The following PGM1 variants were observed in gnomAD, a reference collection of about 807,000 sequenced individuals.
The protein encoded by PGM1 is phosphoglucomutase-1.
A neutral mutation model predicts 55.6 loss-of-function variants in PGM1; 52 were observed. That is an observed-to-expected ratio of 0.94 (90% CI 0.75 to 1.18). The LOEUF (loss-of-function observed/expected upper bound fraction) is 1.18, where lower values mean the gene tolerates loss of function less well. Among genes scored for constraint, PGM1 ranks in the 50% most tolerant of loss-of-function variants. PGM1 has a pLI of 0.00. For synonymous variants in PGM1, 287 were observed against 271.7 expected (o/e 1.06, Z -0.55); for missense variants, 724 against 729.3 (o/e 0.99, Z 0.08).
intron 1 of PGM1, among the ~76,000 whole-genome samples, chr1:63,623,988 C>T (rs191038648): frequency 6.6e-6 from 1 of 152,328 alleles, no homozygotes; most frequent in East Asian, 1.9e-4. Flanking sequence ...AGGTATTATG[C>T]TGTGTTCTGT....
rs144480194 is a variant in PGM1 at position 63,643,738 on chromosome 1, G to A, written c.1145-4779G>A. ...GACTTTGGGCCAACCCCTGTTTGGG[G>A]AGTACAACTCATAGTCTAGGATACG... is the stretch of plus-strand genomic sequence containing the variant. On this transcript the variant is annotated intron_variant, in intron 7 of 10. Coordinates refer to ENST00000371084, the MANE Select transcript of PGM1 (RefSeq NM_002633.3). 5.3e-4 allele frequency among the ~76,000 whole-genome samples: 81 copies of A among 152,338 alleles called. No individual in the cohort carries two copies. The East Asian group carries it at 0.016, about 29-fold the overall frequency.
intron 7 of PGM1, among the ~76,000 whole-genome samples, chr1:63,641,370 G>T (rs76740766): frequency 0.011 from 1,669 of 152,222 alleles, 16 homozygotes; most frequent in South Asian, 0.032. Flanking sequence ...GCCATAGATC[G>T]CTGTTGTGAA....
At chr1:63,601,369 A>G (rs538231233) in intron 1 of PGM1, among the ~76,000 whole-genome samples, 5 of 152,350 alleles carry the variant, frequency 3.3e-5, no homozygotes, top group African/African-American at 1.2e-4. Context: ...AATAATTTTT[A>G]TGTCACAGTG....
chr1:63,633,902 GTGTGTGTGTGTGTGTGTATATATA>G lies in PGM1; in HGVS notation c.683-925_683-902del, dbSNP rs1450340468. Among the ~76,000 whole-genome samples, 38 of 39,006 alleles carry G rather than the reference GTGTGTGTGTGTGTGTGTATATATA, an allele frequency of 9.7e-4. 1 individual carries two copies. The highest frequency in any genetic ancestry group is 5.5e-3 in the African/African-American group (37 of 6,770). 25.6% of individuals were successfully genotyped at this position (39,006 alleles called of 152,430 possible). ...TGTGTGTGTGTGTGTGTGTGTGTGTGTGTGTGTGTGTGTGTGTATATATATATATATTTTTTTTTTTTTTTTTTT... is the reference window on the plus strand; with the variant it reads ...TGTGTGTGTGTGTGTGTGTGTGTGTGTATATATTTTTTTTTTTTTTTTTTT... On this transcript the variant is annotated intron_variant, in intron 4 of 10. Coordinates refer to ENST00000371084, the MANE Select transcript of PGM1 (RefSeq NM_002633.3).
rs1351480862 is a variant in PGM1 at position 63,633,927 on chromosome 1, TATATA to T, written c.683-901_683-897del. ...GTGTGTGTGTGTGTGTGTATATATA[TATATA>T]TTTTTTTTTTTTTTTTTTTTTTTTT... On this transcript the variant is annotated intron_variant, in intron 4 of 10. Transcript: ENST00000371084. Among the ~76,000 whole-genome samples, 251 of 107,156 alleles carry T rather than the reference TATATA, an allele frequency of 2.3e-3. 2 individuals carry two copies. Among genetic ancestry groups the T allele is most frequent in the African/African-American group, 8.6e-3 (169 of 19,680 alleles). The allele number at this position is 107,156 out of a possible 152,430, so 70.3% of individuals were successfully genotyped here.
At chr1:63,606,198 C>CT (rs1285150055) in intron 1 of PGM1, among the ~76,000 whole-genome samples, 1 of 152,180 alleles carries the variant, frequency 6.6e-6, no homozygotes, top group Admixed American at 6.5e-5. Flanking sequence ...GGCCAGTGGT[C>CT]TGCCTTCCAT....
intron 1 of PGM1, among the ~76,000 whole-genome samples, chr1:63,626,341 A>T (rs1389642561): frequency 6.6e-6 from 1 of 152,198 alleles, no homozygotes; most frequent in Non-Finnish European, 1.5e-5. Context: ...CATCCCATAC[A>T]GAAACTCTGT....
intron 1 of PGM1, among the ~76,000 whole-genome samples, chr1:63,616,131 T>C (rs551832762): frequency 2.6e-5 from 4 of 152,356 alleles, no homozygotes; most frequent in South Asian, 4.1e-4. Context: ...TGGGGAAAGT[T>C]CTTCTGTTAG....
intron 9 of PGM1, 21 bp from the exon 10 acceptor site, chr1:63,654,311 A>T: frequency 6.2e-7 from 1 of 1,613,324 alleles, no homozygotes; most frequent in Non-Finnish European, 8.5e-7. Flanking sequence ...GGGGAAAAAA[A>T]TCTCTGCTTA....
chr1:63,599,797 A>G (rs1035334285), intron 1 of PGM1: 1 of 152,284 alleles, frequency 6.6e-6, no homozygotes, highest in African/African-American at 2.4e-5. Context: ...TCAAAAATAA[A>G]TAAATAAATA....
chr1:63,598,782 A>G (rs1648151951), intron 1 of PGM1, among the ~76,000 whole-genome samples: 1 of 152,246 alleles, frequency 6.6e-6, no homozygotes, highest in South Asian at 2.1e-4. Context: ...ACACTAAACA[A>G]TGATCCTTTT....
intron 1 of PGM1, among the ~76,000 whole-genome samples, chr1:63,622,601 G>A (rs114672866): frequency 0.02 from 2,982 of 152,052 alleles, 92 homozygotes; most frequent in African/African-American, 0.068. Flanking sequence ...TATTTTTTCC[G>A]TGTTTTGCTT....
chr1:63,599,921 A>G (rs1648188815), intron 1 of PGM1: 1 of 152,276 alleles, frequency 6.6e-6, no homozygotes, highest in Admixed American at 6.5e-5. Flanking sequence ...CTTTCCATCC[A>G]GGAGCATACA....
Position 63,629,871 on chromosome 1 carries a change from T to C in PGM1, c.410-71T>C. 6 of 1,544,406 alleles carry C rather than the reference T, an allele frequency of 3.9e-6. 1 individual carries two copies. The highest frequency in any genetic ancestry group is 2.2e-5 in the South Asian group (2 of 89,454). On this transcript the variant is annotated intron_variant, in intron 2 of 10. Transcript: ENST00000371084. ...AGATGTGCTAGTGAAGAGGAACTGA[T>C]GAGCTTTGGATTCTTTGTATTTCCA...
rs1300863085 is a variant in PGM1 at position 63,593,564 on chromosome 1, G to T, written c.76G>T (p.Val26Leu). 2 of 1,613,914 alleles carry T rather than the reference G, an allele frequency of 1.2e-6. No individual in the cohort carries two copies. The highest frequency in any genetic ancestry group is 2.2e-5 in the South Asian group (2 of 91,080). Residue 26 changes from valine to leucine, a missense_variant, in exon 1 of 11, where the codon GTG becomes TTG. Physicochemically the swap from Val to Leu is conservative, Grantham distance 32. Around this residue, in one of 3 missense-constraint regions of PGM1, gnomAD observed 379 missense variants for 357.5 expected, o/e 1.06. Coordinates refer to ENST00000371084, the MANE Select transcript of PGM1 (RefSeq NM_002633.3). Reference sequence around the variant, plus strand: ...GGGCACGAGCGGGCTGCGGAAGCGGGTGAAGGTGTTCCAGAGCAGCGCCAA... The same window carrying T: ...GGGCACGAGCGGGCTGCGGAAGCGGTTGAAGGTGTTCCAGAGCAGCGCCAA... ...KPGTSGLRKRVKVFQSSANYA... is the reference protein window; with the variant it reads ...KPGTSGLRKRLKVFQSSANYA...
At chr1:63,641,098 T>C (rs754839482) in intron 7 of PGM1, among the ~76,000 whole-genome samples, 15 of 152,242 alleles carry the variant, frequency 9.9e-5, no homozygotes, top group Non-Finnish European at 1.9e-4. Context: ...TCTCATGTTA[T>C]GTTTGTGGAA....
Position 63,636,320 on chromosome 1 carries a change from T to A in PGM1, c.960T>A (p.Ile320=). Residue 320 remains isoleucine (I), a synonymous_variant, in exon 6 of 11, where the codon ATT becomes ATA. Coordinates refer to ENST00000371084, the MANE Select transcript of PGM1 (RefSeq NM_002633.3). ...VAVIAANIFS[I]PYFQQTGVRG... ...TCATTGCTGCCAACATCTTCAGCAT[T>A]CCGTATTTCCAGCAGACTGGGGTCC... 1 of 1,614,190 alleles carries A rather than the reference T, an allele frequency of 6.2e-7. No individual in the cohort carries two copies. The highest frequency in any genetic ancestry group is 8.5e-7 in the Non-Finnish European group (1 of 1,180,016).
chr1:63,616,169 A>G (rs1648708891), intron 1 of PGM1, among the ~76,000 whole-genome samples: 1 of 152,232 alleles, frequency 6.6e-6, no homozygotes, highest in African/African-American at 2.4e-5. Flanking sequence ...TAAGGGATTG[A>G]AATTCAAATT....
chr1:63,649,567 GGTGA>G (rs1396437564), intron 8 of PGM1, among the ~76,000 whole-genome samples: 1 of 152,162 alleles, frequency 6.6e-6, no homozygotes, highest in Admixed American at 6.5e-5. Flanking sequence ...CTATAAAATG[GGTGA>G]GTTAGACTAG....
Sources: allele counts gnomAD v4.1 joint callset (sites outside exome capture counted in the v4.1 genomes callset), GRCh38; gene constraint gnomAD v4.1.1; regional missense constraint gnomAD v4.1.1; transcripts MANE v1.5; gene names NCBI Gene and HGNC (gene_info 2026-07-23, HGNC 2026-07-21).